Variants in WDPCP observed in about 807,000 individuals in gnomAD.
WDPCP encodes WD repeat-containing and planar cell polarity effector protein fritz homolog.
In WDPCP, 71 loss-of-function variants were observed where a neutral mutation model predicts 93.1. The observed-to-expected ratio is 0.76, with a 90% CI of 0.63 to 0.93. The LOEUF is 0.93. WDPCP is among the 40% of genes least tolerant of loss of function. The pLI, the probability that WDPCP is intolerant of heterozygous loss-of-function variation, is 0.00. For missense variants in WDPCP, 844 were observed against 887.4 expected, an observed-to-expected ratio of 0.95 and a Z score of 0.62; for synonymous variants, 315 against 315.0, an observed-to-expected ratio of 1.00 and a Z score of 0.00.
chr2:63,758,178 A>C (rs1382717377), intron 2 of WDPCP, among the ~76,000 whole-genome samples: 3 of 152,004 alleles, frequency 2.0e-5, no homozygotes, highest in African/African-American at 7.2e-5. Context: ...AATAAAGTCA[A>C]CCATCTCAAC....
chr2:63,654,929 A>G (rs1386984002), intron 2 of WDPCP, among the ~76,000 whole-genome samples: 1 of 152,136 alleles, frequency 6.6e-6, no homozygotes, highest in Non-Finnish European at 1.5e-5. Flanking sequence ...TACTGGGATT[A>G]AGCTTTGCCT....
chr2:63,449,891 G>C (rs1481304512), intron 6 of WDPCP, among the ~76,000 whole-genome samples: 1 of 152,118 alleles, frequency 6.6e-6, no homozygotes, highest in Non-Finnish European at 1.5e-5. Flanking sequence ...TGACATCCCA[G>C]TGTCCACTCA....
intron 2 of WDPCP, among the ~76,000 whole-genome samples, chr2:63,806,640 G>C (rs543249350): frequency 1.3e-5 from 2 of 152,034 alleles, no homozygotes; most frequent in Non-Finnish European, 2.9e-5. Context: ...CTGCAGTCTC[G>C]ACCATAAAAA....
chr2:63,245,075 T>C (rs1423116679), intron 14 of WDPCP, among the ~76,000 whole-genome samples: 1 of 152,300 alleles, frequency 6.6e-6, no homozygotes, highest in East Asian at 1.9e-4. Context: ...TAAAAATGCA[T>C]GCACGCACAG....
chr2:63,350,478 A>C (rs866752450), intron 12 of WDPCP, among the ~76,000 whole-genome samples: 1,473 of 32,352 alleles, frequency 0.046, 13 homozygotes, highest in African/African-American at 0.11. Flanking sequence ...ACGAAACCCA[A>C]AAAAAAAAAA....
intron 13 of WDPCP, among the ~76,000 whole-genome samples, chr2:63,265,481 G>C (rs938367097): frequency 6.6e-6 from 1 of 152,038 alleles, no homozygotes; most frequent in Admixed American, 6.6e-5. Context: ...AGGAAAGAAA[G>C]AAATAGAAAA....
At chr2:63,372,938 A>T (rs1333428904) in intron 12 of WDPCP, among the ~76,000 whole-genome samples, 1 of 152,122 alleles carries the variant, frequency 6.6e-6, no homozygotes, top group Middle Eastern at 3.2e-3. Context: ...AGCCTGACCA[A>T]CATGGAGAAA....
chr2:63,169,938 C>G (rs944081550), intron 15 of WDPCP, among the ~76,000 whole-genome samples: 9 of 151,178 alleles, frequency 6.0e-5, no homozygotes, highest in African/African-American at 1.9e-4. Flanking sequence ...GCCACCCAGG[C>G]TGGAGTGCAG....
Position 63,436,021 on chromosome 2 carries a change from A to G in WDPCP, c.633+1400T>C, listed in dbSNP as rs145129279. ...TTCTCTCTGTTCTCAGGTAGCTACT[A>G]CTCTTCAGTTGAGAAGATTTTATCA... On this transcript the variant is annotated intron_variant, in intron 8 of 17. Coordinates refer to ENST00000272321, the MANE Select transcript of WDPCP (RefSeq NM_015910.7). Among the ~76,000 whole-genome samples the G allele has an allele frequency of 4.1e-3, 621 of 152,082 alleles. 4 individuals are homozygous for G. The highest frequency in any genetic ancestry group is 6.6e-3 in the Non-Finnish European group (451 of 67,952).
At chr2:63,387,741 A>G (rs1203110909) in intron 10 of WDPCP, among the ~76,000 whole-genome samples, 1 of 152,044 alleles carries the variant, frequency 6.6e-6, no homozygotes, top group Non-Finnish European at 1.5e-5. Context: ...AGTCTGCCCA[A>G]AAGCTCCTAG....
chr2:63,508,564 G>A (rs1702030671), intron 1 of WDPCP, among the ~76,000 whole-genome samples: 1 of 152,086 alleles, frequency 6.6e-6, no homozygotes, highest in African/African-American at 2.4e-5. Context: ...CATAATGACA[G>A]GATCAAATTC....
chr2:63,336,768 T>C (rs1255216094), intron 12 of WDPCP, among the ~76,000 whole-genome samples: 1 of 152,016 alleles, frequency 6.6e-6, no homozygotes, highest in Non-Finnish European at 1.5e-5. Flanking sequence ...CCACCTTTAC[T>C]ATTTTTACGT....
intron 12 of WDPCP, among the ~76,000 whole-genome samples, chr2:63,366,561 T>C (rs1690927770): frequency 6.6e-6 from 1 of 152,162 alleles, no homozygotes; most frequent in Non-Finnish European, 1.5e-5. Flanking sequence ...AAATTCTTGT[T>C]ACATGGATTA....
At chr2:63,373,255 T>TTTG (rs1553367139) in intron 12 of WDPCP, among the ~76,000 whole-genome samples, 3 of 28,670 alleles carry the variant, frequency 1.0e-4, no homozygotes, top group African/African-American at 3.5e-4. Context: ...TTTTTTGTTG[T>TTTG]TTTTTTTTTT....
chr2:63,349,331 C>A (rs935495654), intron 12 of WDPCP, among the ~76,000 whole-genome samples: 1 of 151,756 alleles, frequency 6.6e-6, no homozygotes, highest in South Asian at 2.1e-4. Flanking sequence ...TATAGAAGTA[C>A]AATTTTATTA....
intron 1 of WDPCP, among the ~76,000 whole-genome samples, chr2:63,511,605 C>G (rs1414591416): frequency 2.0e-5 from 3 of 152,174 alleles, no homozygotes; most frequent in Non-Finnish European, 4.4e-5. Flanking sequence ...ACATCTACAA[C>G]CATCTGGTCT....
intron 15 of WDPCP, among the ~76,000 whole-genome samples, chr2:63,167,189 G>C (rs1399299693): frequency 6.6e-6 from 1 of 152,162 alleles, no homozygotes; most frequent in Non-Finnish European, 1.5e-5. Context: ...GAGTTAAATA[G>C]TTGCAGCAGA....
Position 63,263,884 on chromosome 2 carries a change from A to G in WDPCP, c.1813-4475T>C, listed in dbSNP as rs374024959. Among the ~76,000 whole-genome samples the G allele has an allele frequency of 1.9e-4, 29 of 152,320 alleles. No individual in the cohort carries two copies. In the South Asian group the frequency reaches 4.6e-3, roughly 24 times the overall value. Reference sequence around the variant, plus strand: ...CATTGTAACATTAGTTTTAATCAACAGATATTAGCTAATCAAAAATCATTC... The same window carrying G: ...CATTGTAACATTAGTTTTAATCAACGGATATTAGCTAATCAAAAATCATTC... On this transcript the variant is annotated intron_variant, in intron 13 of 17. Coordinates refer to ENST00000272321, the MANE Select transcript of WDPCP (RefSeq NM_015910.7).
intron 17 of WDPCP, among the ~76,000 whole-genome samples, chr2:63,123,522 A>T (rs1669687242): frequency 1.3e-5 from 2 of 152,092 alleles, no homozygotes; most frequent in Admixed American, 1.3e-4. Context: ...GGATTTAAAA[A>T]AACAAAACAA....
Sources: gnomAD v4.1 joint callset for allele counts (sites outside exome capture counted in the v4.1 genomes callset) on GRCh38, gnomAD v4.1.1 for gene constraint, MANE v1.5 for transcripts, NCBI Gene and HGNC (gene_info 2026-07-23, HGNC 2026-07-21) for gene names.